AHRR: variants seen among roughly 807,000 people sequenced by gnomAD.
AHRR encodes the protein ahR repressor.
A neutral mutation model predicts 44.0 loss-of-function variants in AHRR; 28 were observed. The ratio of observed to expected loss-of-function variants is 0.64; its 90% CI spans 0.47 to 0.87. The LOEUF (loss-of-function observed/expected upper bound fraction) is 0.87, where lower values mean the gene tolerates loss of function less well. Among genes scored for constraint, AHRR ranks in the 40% least tolerant of loss-of-function variants. The probability of loss-of-function intolerance (pLI) is 0.00; values close to 1 mark genes in which losing one functional copy is unlikely to be tolerated. For missense variants in AHRR, 990 were observed against 953.9 expected, an observed-to-expected ratio of 1.04 and a Z score of -0.50; for synonymous variants, 434 against 407.0, an observed-to-expected ratio of 1.07 and a Z score of -0.80.
Position 423,942 on chromosome 5 carries a change from G to C in AHRR, c.673G>C (p.Val225Leu). Reference sequence around the variant, plus strand: ...CCTGACCCGCTGCTTCATCTGCCGTGTGCGCTGCCTGCTGGACAGCACCTC... The same window carrying C: ...CCTGACCCGCTGCTTCATCTGCCGTCTGCGCTGCCTGCTGGACAGCACCTC... ...AFLTRCFICR[V>L]RCLLDSTSGF... The change falls in exon 7 of 11, where the codon GTG becomes CTG. Residue 225 changes from valine (V) to leucine (L), a missense_variant. By Grantham distance (32) the Val-to-Leu change is conservative. Coordinates refer to ENST00000684583, the MANE Select transcript of AHRR (RefSeq NM_001377236.1). The C allele has an allele frequency of 6.2e-7, 1 of 1,601,742 alleles. No individual in the cohort carries two copies. The highest frequency in any genetic ancestry group is 1.7e-4 in the Middle Eastern group (1 of 6,046).
chr5:345,097 T>A lies in AHRR; in HGVS notation c.62+1133T>A. Among the ~76,000 whole-genome samples the A allele has an allele frequency of 3.4e-5, 2 of 59,312 alleles. 1 individual carries two copies. Among genetic ancestry groups the A allele is most frequent in the African/African-American group, 2.1e-4 (2 of 9,658 alleles). 38.9% of individuals were successfully genotyped at this position (59,312 alleles called of 152,430 possible). Reference sequence around the variant, plus strand: ...GTGTGTGTGTGTGTGTGTGTGTGTGTCAGATGATGTCCCTGGCTGTGTGTG... The same window carrying A: ...GTGTGTGTGTGTGTGTGTGTGTGTGACAGATGATGTCCCTGGCTGTGTGTG... On this transcript the variant is annotated intron_variant, in intron 2 of 10. Coordinates refer to ENST00000684583, the MANE Select transcript of AHRR (RefSeq NM_001377236.1).
At position 351,715 on chromosome 5, in the gene AHRR, G is replaced by GT. The variant is rs1196283217; in HGVS notation, c.63-2013dup. ...ACATTGAACTGTTCACTTTTAAACA[G>GT]TTAGTTTCATGTTATGTGGATTATA... is the stretch of plus-strand genomic sequence containing the variant. On this transcript the variant is annotated intron_variant, in intron 2 of 10. Coordinates refer to ENST00000684583, the MANE Select transcript of AHRR (RefSeq NM_001377236.1). Among the ~76,000 whole-genome samples the GT allele has an allele frequency of 2.6e-5, 4 of 152,188 alleles. No homozygotes were observed. The East Asian group carries it at 7.7e-4, about 29-fold the overall frequency.
At chr5:432,562 G>A in intron 9 of AHRR, 38 bp downstream of exon 9, 10 of 1,600,872 alleles carry the variant, frequency 6.2e-6, no homozygotes, top group Non-Finnish European at 8.6e-6. Flanking sequence ...TTTCCACATG[G>A]GTAAAATGTG....
At chr5:381,575 G>A (rs949138103) in intron 4 of AHRR, among the ~76,000 whole-genome samples, 1 of 136,074 alleles carries the variant, frequency 7.3e-6, no homozygotes, top group Non-Finnish European at 1.5e-5. Context: ...GAGTGCAGTG[G>A]TGCAATCTCG....
rs61743456 is a variant in AHRR, at chr5:434,760, C to T, written c.2020C>T (p.Pro674Ser). ...QWATHSQGMVPGMLPKSALAT... is the reference protein window; with the variant it reads ...QWATHSQGMVSGMLPKSALAT... Reference sequence around the variant, plus strand: ...GGCTACTCACAGCCAGGGAATGGTGCCCGGGATGTTGCCCAAAAGTGCCTT... The same window carrying T: ...GGCTACTCACAGCCAGGGAATGGTGTCCGGGATGTTGCCCAAAAGTGCCTT... The change falls in exon 11 of 11, where the codon CCC (proline) becomes TCC (serine). Residue 674 changes from proline (P) to serine (S), a missense_variant. Pro to Ser is a moderately conservative substitution (Grantham distance 74, BLOSUM62 -1). Coordinates refer to ENST00000684583, the MANE Select transcript of AHRR (RefSeq NM_001377236.1). 1,272 of 1,563,736 alleles carry T rather than the reference C, an allele frequency of 8.1e-4. 8 individuals carry two copies. The African/African-American group carries it at 0.015, about 19-fold the overall frequency.
intron 1 of AHRR, among the ~76,000 whole-genome samples, chr5:325,592 C>T (rs1323192003): frequency 6.6e-6 from 1 of 152,118 alleles, no homozygotes; most frequent in African/African-American, 2.4e-5. Context: ...CACAGCACCT[C>T]GGGGGGAGGG....
chr5:393,291 TG>T (rs1245162563), intron 4 of AHRR, among the ~76,000 whole-genome samples: 1 of 152,244 alleles, frequency 6.6e-6, no homozygotes, highest in Non-Finnish European at 1.5e-5. Context: ...TTAATCCCGA[TG>T]TCACAGATTC....
chr5:401,237 G>T (rs11750818), intron 4 of AHRR, among the ~76,000 whole-genome samples: 1 of 152,170 alleles, frequency 6.6e-6, no homozygotes, highest in Non-Finnish European at 1.5e-5. Flanking sequence ...GGAGTCTGAG[G>T]GGTGGATGCC....
At chr5:324,251 G>T (rs965214251) in intron 1 of AHRR, among the ~76,000 whole-genome samples, 1 of 150,910 alleles carries the variant, frequency 6.6e-6, no homozygotes, top group Non-Finnish European at 1.5e-5. Flanking sequence ...GTAGAGACAG[G>T]GTTTCACTGT....
intron 5 of AHRR, among the ~76,000 whole-genome samples, chr5:418,171 A>AC (rs986789502): frequency 6.6e-6 from 1 of 152,056 alleles, no homozygotes; most frequent in Non-Finnish European, 1.5e-5. Flanking sequence ...TTTATTCTAA[A>AC]CTCCCTAAGT....
intron 4 of AHRR, among the ~76,000 whole-genome samples, chr5:380,598 T>A (rs1733940404): frequency 6.6e-6 from 1 of 152,220 alleles, no homozygotes; most frequent in Non-Finnish European, 1.5e-5. Context: ...TAAATGAGAC[T>A]TTTTTAATTT....
At position 436,181 on chromosome 5, in the gene AHRR, G is replaced by GAGGGACCCACCACCCCT. The variant is rs1737038433; in HGVS notation, c.*1363_*1364insTAGGGACCCACCACCCC. The GAGGGACCCACCACCCCT allele has an allele frequency of 2.5e-4, 38 of 150,196 alleles. No homozygotes were observed. The highest frequency in any genetic ancestry group is 3.4e-3 in the Middle Eastern group (1 of 292). 9.3% of individuals were successfully genotyped at this position (150,196 alleles called of 1,614,324 possible). ...GCAGGAGCTGTGGGAGCCCATGGGT[G>GAGGGACCCACCACCCCT]AGGGACCCACCACCCCGCTGCACTG... is the stretch of plus-strand genomic sequence containing the variant. On this transcript the variant is annotated 3_prime_UTR_variant, in exon 11 of 11. Transcript: ENST00000684583.
At chr5:354,717 G>A (rs1157644334) in intron 3 of AHRR, among the ~76,000 whole-genome samples, 3 of 152,174 alleles carry the variant, frequency 2.0e-5, no homozygotes, top group Non-Finnish European at 4.4e-5. Context: ...TAAAAACCCC[G>A]TGACCAGCAG....
chr5:395,317 C>T lies in AHRR; in HGVS notation c.352-18027C>T, dbSNP rs987566395. ...AGACACGAGCCCCGGTGGTGGGATG[C>T]AGTTAGCTGAACGCCAGGCTGAGCA... On this transcript the variant is annotated intron_variant, in intron 4 of 10. Coordinates refer to ENST00000684583, the MANE Select transcript of AHRR (RefSeq NM_001377236.1). The surrounding 1 kb of genome is among the most constrained non-coding windows in gnomAD (Gnocchi z 5.3). 2.2e-4 allele frequency among the ~76,000 whole-genome samples: 34 copies of T among 152,154 alleles called. No homozygotes were observed. The highest frequency in any genetic ancestry group is 7.7e-4 in the African/African-American group (32 of 41,428).
At chr5:355,644 GT>G (rs1743012780) in intron 3 of AHRR, among the ~76,000 whole-genome samples, 1 of 152,234 alleles carries the variant, frequency 6.6e-6, no homozygotes, top group Non-Finnish European at 1.5e-5. Flanking sequence ...TTTCCAGCAA[GT>G]TTGGACACCT....
chr5:404,370 T>A lies in AHRR; in HGVS notation c.352-8974T>A. 5.9e-6 allele frequency: 3 copies of A among 509,190 alleles called. No homozygotes were observed. Among genetic ancestry groups the A allele is most frequent in the Non-Finnish European group, 1.2e-5 (3 of 256,434 alleles). 31.5% of individuals were successfully genotyped at this position (509,190 alleles called of 1,614,324 possible). On this transcript the variant is annotated intron_variant, in intron 4 of 10. Transcript: ENST00000684583. This position sits in a 1 kb window ranked among gnomAD's most constrained non-coding sequence, Gnocchi z 4.1. ...TTTCTTTTTTCCTTCATTCTGGGTGTCTTCAGTGGTCCTAAAGCCTTTTGC... is the reference window on the plus strand; with the variant it reads ...TTTCTTTTTTCCTTCATTCTGGGTGACTTCAGTGGTCCTAAAGCCTTTTGC...
At chr5:356,474 C>T (rs1428109330) in intron 3 of AHRR, among the ~76,000 whole-genome samples, 3 of 150,974 alleles carry the variant, frequency 2.0e-5, no homozygotes, top group East Asian at 1.9e-4. Flanking sequence ...GAAGAGCGCC[C>T]GCGAGTGGAG....
intron 3 of AHRR, chr5:367,932 G>A (rs1341809754): frequency 1.4e-6 from 1 of 702,614 alleles, no homozygotes; most frequent in Non-Finnish European, 2.6e-6. Context: ...AGTTCGGTCT[G>A]CATCTGTTGA....
Position 435,136 on chromosome 5 carries a change from A to T in AHRR, c.*302A>T. 2.7e-6 allele frequency: 1 copy of T among 368,354 alleles called. No homozygotes were observed. Among genetic ancestry groups the T allele is most frequent in the South Asian group, 4.7e-5 (1 of 21,122 alleles). 22.8% of individuals were successfully genotyped at this position (368,354 alleles called of 1,614,324 possible). A position where few individuals can be genotyped will look rare whatever the true frequency, so the allele number is the denominator to read the frequency against. On this transcript the variant is annotated 3_prime_UTR_variant, in exon 11 of 11. Coordinates refer to ENST00000684583, the MANE Select transcript of AHRR (RefSeq NM_001377236.1). ...TCATGGCTGGACAGCTTCATGCCCC[A>T]GAGGCAGCGAGCACCCGTCCCATGG...
Sources: gnomAD v4.1 joint callset for allele counts (sites outside exome capture counted in the v4.1 genomes callset) on GRCh38, gnomAD v4.1.1 for gene constraint, Gnocchi (gnomAD v3.1) non-coding constraint, MANE v1.5 for transcripts, NCBI Gene and HGNC (gene_info 2026-07-23, HGNC 2026-07-21) for gene names.